IREB2: variants seen among roughly 807,000 people sequenced by gnomAD.
IREB2 encodes the protein iron responsive element binding protein 2.
IREB2 carries 39 observed loss-of-function variants against 118.8 expected under a neutral mutation model. The observed-to-expected ratio is 0.33, with a 90% CI of 0.25 to 0.43. The LOEUF (loss-of-function observed/expected upper bound fraction) is 0.43. IREB2 is among the 20% of genes least tolerant of loss of function. The probability of loss-of-function intolerance (pLI) is 1.00; values close to 1 mark genes in which losing one functional copy is unlikely to be tolerated. For missense variants in IREB2, 900 were observed against 1,147.3 expected (o/e 0.78, Z 3.11); for synonymous variants, 372 against 392.2 (o/e 0.95, Z 0.61).
intron 11 of IREB2, among the ~76,000 whole-genome samples, chr15:78,484,020 A>C (rs1433561505): frequency 2.6e-5 from 4 of 151,922 alleles, no homozygotes; most frequent in Non-Finnish European, 5.9e-5. Context: ...CCTGACCTCA[A>C]GTGATCTGCC....
intron 2 of IREB2, among the ~76,000 whole-genome samples, chr15:78,448,439 C>T (rs755587154): frequency 2.0e-5 from 3 of 152,060 alleles, no homozygotes; most frequent in South Asian, 2.1e-4. Context: ...GCCATCACGC[C>T]GGGCCCAATG....
intron 2 of IREB2, among the ~76,000 whole-genome samples, chr15:78,461,797 A>G (rs1481275890): frequency 6.6e-6 from 1 of 152,188 alleles, no homozygotes; most frequent in Non-Finnish European, 1.5e-5. Flanking sequence ...TCTTGAAACC[A>G]TAGTAACAAA....
At chr15:78,455,985 G>A (rs1378008544) in intron 2 of IREB2, among the ~76,000 whole-genome samples, 1 of 152,188 alleles carries the variant, frequency 6.6e-6, no homozygotes, top group Non-Finnish European at 1.5e-5. Context: ...TCTCCTCAGT[G>A]CTGCTCAATA....
chr15:78,498,954 T>TC lies in IREB2; in HGVS notation c.*813dup, dbSNP rs1419626960. On this transcript the variant is annotated 3_prime_UTR_variant, in exon 22 of 22. Transcript: ENST00000258886. ...GCTCACCTTATGTAATACTGTAACT[T>TC]CCTATAACCTAATATTTTCGGTATC... 1.3e-5 allele frequency: 2 copies of TC among 152,228 alleles called. No individual in the cohort carries two copies. The highest frequency in any genetic ancestry group is 2.9e-5 in the Non-Finnish European group (2 of 68,050). 9.4% of individuals were successfully genotyped at this position (152,228 alleles called of 1,614,324 possible). A position where few individuals can be genotyped will look rare whatever the true frequency, so the allele number is the denominator to read the frequency against.
intron 2 of IREB2, 116 bp downstream of exon 2, chr15:78,439,997 C>A: frequency 1.5e-6 from 1 of 662,410 alleles, no homozygotes; most frequent in Non-Finnish European, 2.6e-6. Context: ...ACAGGTACAC[C>A]TACACATACC....
chr15:78,487,924 C>G, intron 14 of IREB2, 107 bp downstream of exon 14: 1 of 721,774 alleles, frequency 1.4e-6, no homozygotes, highest in Admixed American at 3.0e-5. Context: ...GTAAACTCTG[C>G]ACCTCTTGGC....
chr15:78,485,571 C>G, intron 12 of IREB2, 134 bp from the exon 13 acceptor site: 1 of 917,918 alleles, frequency 1.1e-6, no homozygotes, highest in South Asian at 1.8e-5. Context: ...ATAAAGTGGA[C>G]AAAATAATGA....
At chr15:78,466,680 A>G (rs188650841) in intron 5 of IREB2, among the ~76,000 whole-genome samples, 191 bp downstream of exon 5, 26 of 152,306 alleles carry the variant, frequency 1.7e-4, no homozygotes, top group African/African-American at 6.3e-4. Flanking sequence ...TCTAAGTACC[A>G]TTCTCTCTTA....
intron 19 of IREB2, 43 bp downstream of exon 19, chr15:78,494,099 C>A: frequency 6.2e-7 from 1 of 1,612,824 alleles, no homozygotes; most frequent in South Asian, 1.1e-5. Flanking sequence ...ATAACTGGAT[C>A]AAAATTTGTA....
chr15:78,473,143 G>T, intron 7 of IREB2, 99 bp from the exon 8 acceptor site: 4 of 1,158,784 alleles, frequency 3.5e-6, no homozygotes, highest in Non-Finnish European at 3.8e-6. Context: ...GCAAAGTACT[G>T]TGTAAGATAA....
intron 18 of IREB2, 142 bp from the exon 19 acceptor site, chr15:78,493,767 G>T: frequency 3.1e-6 from 2 of 652,956 alleles, no homozygotes; most frequent in East Asian, 2.7e-5. Context: ...TTGGTGATAG[G>T]CGCATGGACA....
chr15:78,450,412 C>G (rs10519198), intron 2 of IREB2, among the ~76,000 whole-genome samples: 1 of 152,148 alleles, frequency 6.6e-6, no homozygotes, highest in Non-Finnish European at 1.5e-5. Flanking sequence ...TCAGAACTCA[C>G]TGGAATAGGT....
rs780122247 is a variant in IREB2 at position 78,462,973 on chromosome 15, G to A, written c.158G>A (p.Cys53Tyr). 39 of 1,613,322 alleles carry A rather than the reference G, an allele frequency of 2.4e-5. No individual in the cohort carries two copies. Among genetic ancestry groups the A allele is most frequent in the Admixed American group, 3.3e-5 (2 of 59,768 alleles). The change falls in exon 3 of 22, where the codon TGT (cysteine) becomes TAT (tyrosine). Residue 53 changes from cysteine (C) to tyrosine (Y), a missense_variant. Cys to Tyr is a radical substitution (Grantham distance 194). Coordinates refer to ENST00000258886, the MANE Select transcript of IREB2 (RefSeq NM_004136.4). ...RVLLEAAVRN[C>Y]DGFLMKKEDV... The stretch of plus-strand genomic sequence containing the variant: ...TTGTTGGAAGCTGCTGTACGAAATT[G>A]TGATGGCTTTTTAATGAAGAAGGAA...
Position 78,491,135 on chromosome 15 carries a change from A to C in IREB2, c.2324+374A>C, listed in dbSNP as rs1022678239. On this transcript the variant is annotated intron_variant, in intron 18 of 21. Transcript: ENST00000258886. Reference sequence around the variant, plus strand: ...AAAACCAGCTTCCCATTATTGGAGTAAGGAATTTAAATGTGTATTTTATGG... The same window carrying C: ...AAAACCAGCTTCCCATTATTGGAGTCAGGAATTTAAATGTGTATTTTATGG... 2.6e-5 allele frequency among the ~76,000 whole-genome samples: 4 copies of C among 152,160 alleles called. No homozygotes were observed. In the South Asian group the frequency reaches 6.2e-4, roughly 24 times the overall value.
In IREB2 at chr15:78,492,867, T is replaced by G. The variant is rs990158783; in HGVS notation, c.2325-1042T>G. 2.0e-5 allele frequency among the ~76,000 whole-genome samples: 3 copies of G among 152,266 alleles called. No homozygotes were observed. In the East Asian group the frequency reaches 5.8e-4, roughly 29 times the overall value. On this transcript the variant is annotated intron_variant, in intron 18 of 21. Transcript: ENST00000258886. ...GAGCCAACATACCTGCTGGAAAGTT[T>G]TTCTTTATAGAACTTTTGTACCTAA... is the stretch of plus-strand genomic sequence containing the variant.
intron 16 of IREB2, among the ~76,000 whole-genome samples, chr15:78,489,015 C>T (rs2051706623): frequency 6.6e-6 from 1 of 152,042 alleles, no homozygotes; most frequent in African/African-American, 2.4e-5. Flanking sequence ...AGGTCCGGAG[C>T]TCAAGACCAG....
rs1596018091 is a variant in IREB2, at chr15:78,495,341, G to C, written c.2595+1077G>C. Among the ~76,000 whole-genome samples the C allele has an allele frequency of 2.0e-5, 3 of 152,108 alleles. No homozygotes were observed. The South Asian group carries it at 6.2e-4, about 32-fold the overall frequency. ...TATTTTTATCCTGGAAATTGTTTTA[G>C]TGTTTGTTTTTGATGTTGGAAGCTT... On this transcript the variant is annotated intron_variant, in intron 20 of 21. Coordinates refer to ENST00000258886, the MANE Select transcript of IREB2 (RefSeq NM_004136.4).
intron 2 of IREB2, among the ~76,000 whole-genome samples, chr15:78,443,023 T>TG (rs2050868644): frequency 6.6e-6 from 1 of 152,204 alleles, no homozygotes; most frequent in South Asian, 2.1e-4. Context: ...CTCTTACTCA[T>TG]GGGGGATATG....
chr15:78,478,800 AATTT>A (rs1194745760), intron 10 of IREB2, among the ~76,000 whole-genome samples: 15 of 152,158 alleles, frequency 9.9e-5, no homozygotes, highest in African/African-American at 3.6e-4. Context: ...AACCTTGGGC[AATTT>A]ATTTAGCCTT....
Sources: gnomAD v4.1 joint callset for allele counts (sites outside exome capture counted in the v4.1 genomes callset) on GRCh38, gnomAD v4.1.1 for gene constraint, MANE v1.5 for transcripts, NCBI Gene and HGNC (gene_info 2026-07-23, HGNC 2026-07-21) for gene names.